The following DCDC2 variants were observed in gnomAD, a reference collection of about 807,000 sequenced individuals.
DCDC2 encodes the protein doublecortin domain-containing protein 2.
Under a neutral mutation model 50.2 loss-of-function variants are expected in DCDC2, and 40 were observed. The observed-to-expected ratio is 0.80, with a 90% CI of 0.62 to 1.04. DCDC2 has a LOEUF of 1.04. Among genes scored for constraint, DCDC2 ranks in the 50% least tolerant of loss-of-function variants. The pLI is 0.00. For missense variants in DCDC2, 570 were observed against 581.9 expected (o/e 0.98, Z 0.21); for synonymous variants, 234 against 210.6 (o/e 1.11, Z -0.96).
At chr6:24,196,639 CT>C (rs1561886055) in intron 8 of DCDC2, among the ~76,000 whole-genome samples, 1 of 152,154 alleles carries the variant, frequency 6.6e-6, no homozygotes, top group Non-Finnish European at 1.5e-5. Flanking sequence ...CCAGGCTGGT[CT>C]CGAACACTCC....
chr6:24,257,447 TACA>T (rs1254205604), intron 7 of DCDC2, among the ~76,000 whole-genome samples: 5 of 152,102 alleles, frequency 3.3e-5, no homozygotes, highest in African/African-American at 1.2e-4. Context: ...CCTGTTCAAT[TACA>T]ACACCTGCTG....
At chr6:24,204,980 T>C in intron 8 of DCDC2, 22 bp downstream of exon 8, 1 of 1,599,462 alleles carries the variant, frequency 6.3e-7, no homozygotes, top group Non-Finnish European at 8.5e-7. Flanking sequence ...CTTACACATA[T>C]TTTTTAAGGC....
chr6:24,334,818 A>G (rs1760027014), intron 2 of DCDC2, among the ~76,000 whole-genome samples: 1 of 152,232 alleles, frequency 6.6e-6, no homozygotes, highest in East Asian at 1.9e-4. Flanking sequence ...TAGACCAGAC[A>G]TGCTGGTGGA....
intron 7 of DCDC2, among the ~76,000 whole-genome samples, chr6:24,221,660 T>C (rs1770906): frequency 0.82 from 124,197 of 152,178 alleles, 51,483 homozygotes; most frequent in Non-Finnish European, 0.89. Context: ...TTTTTGTTTT[T>C]AGGATGTCTA....
upstream of DCDC2, among the ~76,000 whole-genome samples, chr6:24,358,914 A>ATTATATATAT (rs1760557270): frequency 5.6e-5 from 2 of 35,978 alleles, no homozygotes; most frequent in African/African-American, 2.7e-4. Context: ...ATTATATATT[A>ATTATATATAT]TATATATTAT....
chr6:24,188,674 T>G (rs1365095058), intron 8 of DCDC2, among the ~76,000 whole-genome samples: 2 of 152,086 alleles, frequency 1.3e-5, no homozygotes, highest in Admixed American at 6.5e-5. Context: ...CTCTAAGGAG[T>G]ACATACATCT....
intron 7 of DCDC2, among the ~76,000 whole-genome samples, chr6:24,205,720 G>A (rs894260954): frequency 3.9e-5 from 6 of 152,126 alleles, no homozygotes; most frequent in Admixed American, 3.9e-4. Flanking sequence ...TCTGACTTTA[G>A]GTTAAGCTCC....
intron 9 of DCDC2, among the ~76,000 whole-genome samples, chr6:24,177,304 TC>T (rs1429917585): frequency 6.6e-6 from 1 of 152,196 alleles, no homozygotes; most frequent in African/African-American, 2.4e-5. Context: ...TTTGAATAAC[TC>T]ATATAGTGGA....
At chr6:24,310,511 C>A (rs1479461826) in intron 2 of DCDC2, among the ~76,000 whole-genome samples, 1 of 152,080 alleles carries the variant, frequency 6.6e-6, no homozygotes, top group East Asian at 1.9e-4. Context: ...GTTGGTATTT[C>A]CCCCCAAGAA....
At chr6:24,324,992 T>C (rs980668927) in intron 2 of DCDC2, among the ~76,000 whole-genome samples, 3 of 151,584 alleles carry the variant, frequency 2.0e-5, no homozygotes, top group African/African-American at 7.3e-5. Flanking sequence ...GCACAAGAAG[T>C]AGAAGAAAGG....
intron 7 of DCDC2, among the ~76,000 whole-genome samples, chr6:24,251,394 G>C (rs1762789819): frequency 6.6e-6 from 1 of 152,188 alleles, no homozygotes; most frequent in Non-Finnish European, 1.5e-5. Flanking sequence ...TGTTACTTTA[G>C]AGATTATAAG....
chr6:24,180,234 G>A (rs1761039222), intron 8 of DCDC2, among the ~76,000 whole-genome samples: 1 of 151,932 alleles, frequency 6.6e-6, no homozygotes, highest in Non-Finnish European at 1.5e-5. Context: ...TTCTCTCCTG[G>A]AGCCACCATA....
At position 24,357,227 on chromosome 6, in the gene DCDC2, C is replaced by A. The variant is rs1033244532; in HGVS notation, c.293+231G>T. The A allele has an allele frequency of 2.0e-5, 9 of 443,414 alleles. No homozygotes were observed. The Admixed American group carries it at 2.3e-4, about 11-fold the overall frequency. 27.5% of individuals were successfully genotyped at this position (443,414 alleles called of 1,614,324 possible). On this transcript the variant is annotated intron_variant, in intron 1 of 9. Coordinates refer to ENST00000378454, the MANE Select transcript of DCDC2 (RefSeq NM_016356.5). Reference sequence around the variant, plus strand: ...TTCTTTAAGATTCCTGTTGTTTATACACAGATTTTAAGTTTACTCCTACTG... The same window carrying A: ...TTCTTTAAGATTCCTGTTGTTTATAAACAGATTTTAAGTTTACTCCTACTG...
intron 2 of DCDC2, among the ~76,000 whole-genome samples, chr6:24,335,888 T>C (rs1257684330): frequency 6.6e-6 from 1 of 152,066 alleles, no homozygotes; most frequent in African/African-American, 2.4e-5. Context: ...GGTCCCACCC[T>C]CCACATGTGA....
the DCDC2 span, among the ~76,000 whole-genome samples, chr6:24,371,192 G>T: frequency 1.3e-4 from 20 of 149,240 alleles, no homozygotes; most frequent in East Asian, 4.0e-3. Flanking sequence ...CGGGAGAATC[G>T]TGTGAACCCA....
At chr6:24,291,433 T>G (rs1339315868) in intron 4 of DCDC2, among the ~76,000 whole-genome samples, 2 of 152,062 alleles carry the variant, frequency 1.3e-5, no homozygotes, top group Non-Finnish European at 2.9e-5. Context: ...AATAAAGCTC[T>G]GTTTCCATTG....
At chr6:24,205,236 C>T in intron 7 of DCDC2, 134 bp from the exon 8 acceptor site, 1 of 1,589,856 alleles carries the variant, frequency 6.3e-7, no homozygotes, top group Non-Finnish European at 8.6e-7. Context: ...TTTTTGTGCA[C>T]CCCCTCCTCC....
In DCDC2 at chr6:24,213,079, T is replaced by TAGTTAA. The variant is rs976682523; in HGVS notation, c.923-7978_923-7977insTTAACT. ...CCCAATAATTAATGATACTTTCAAG[T>TAGTTAA]AAAGATAATCAGAATTTAAGCCTAC... is the stretch of plus-strand genomic sequence containing the variant. On this transcript the variant is annotated intron_variant, in intron 7 of 9. Transcript: ENST00000378454. 3.4e-3 allele frequency among the ~76,000 whole-genome samples: 515 copies of TAGTTAA among 152,286 alleles called. 6 individuals are homozygous for TAGTTAA. The highest frequency in any genetic ancestry group is 0.012 in the African/African-American group (493 of 41,556).
chr6:24,380,772 C>T, the DCDC2 span, among the ~76,000 whole-genome samples: 1 of 152,106 alleles, frequency 6.6e-6, no homozygotes, highest in Admixed American at 6.5e-5. Flanking sequence ...TTATTTTTGC[C>T]TCAGCTTTAT....
Sources: allele counts gnomAD v4.1 joint callset (sites outside exome capture counted in the v4.1 genomes callset), GRCh38; gene constraint gnomAD v4.1.1; transcripts MANE v1.5; gene names NCBI Gene and HGNC (gene_info 2026-07-23, HGNC 2026-07-21).